ZFYVE28: variants seen among roughly 807,000 people sequenced by gnomAD.
ZFYVE28 encodes zinc finger FYVE-type containing 28, also known as lateral signaling target protein 2 homolog.
ZFYVE28 carries 40 observed loss-of-function variants against 82.1 expected under a neutral mutation model. The observed-to-expected ratio is 0.49, with a 90% CI of 0.38 to 0.63. The LOEUF (loss-of-function observed/expected upper bound fraction) is 0.63, where lower values mean the gene tolerates loss of function less well. Ranked by LOEUF, ZFYVE28 falls within the 30% of genes least tolerant of loss-of-function variation. The pLI, the probability that ZFYVE28 is intolerant of heterozygous loss-of-function variation, is 0.00. For synonymous variants in ZFYVE28, 612 were observed against 546.1 expected (o/e 1.12, Z -1.68); for missense variants, 1,321 against 1,242.1 (o/e 1.06, Z -0.96).
chr4:2,403,034 C>A (rs1325839025), intron 1 of ZFYVE28, among the ~76,000 whole-genome samples: 1 of 152,252 alleles, frequency 6.6e-6, no homozygotes, highest in Non-Finnish European at 1.5e-5. Context: ...TGAGGAAAGT[C>A]AAAGTGCAAT....
Position 2,339,736 on chromosome 4 carries a change from C to A in ZFYVE28, c.319-81G>T. The A allele has an allele frequency of 6.4e-6, 9 of 1,396,338 alleles. No individual in the cohort carries two copies. The highest frequency in any genetic ancestry group is 8.6e-6 in the Non-Finnish European group (9 of 1,042,670). 86.5% of individuals were successfully genotyped at this position (1,396,338 alleles called of 1,614,324 possible). A position where few individuals can be genotyped will look rare whatever the true frequency, so the allele number is the denominator to read the frequency against. ...GTCGCCGACCCGGGGAACCTGACTG[C>A]GCACCTCGGGGCCCCTCTTCTCACC... On this transcript the variant is annotated intron_variant, in intron 3 of 12. Coordinates refer to ENST00000290974, the MANE Select transcript of ZFYVE28 (RefSeq NM_020972.3). This position sits in a 1 kb window ranked among gnomAD's most constrained non-coding sequence, Gnocchi z 5.0.
intron 1 of ZFYVE28, 113 bp from the exon 2 acceptor site, chr4:2,354,186 GAGC>G: frequency 8.4e-7 from 1 of 1,188,348 alleles, no homozygotes; most frequent in Non-Finnish European, 1.1e-6. Flanking sequence ...CTTCCACCCT[GAGC>G]AGCAGCCGGC....
At chr4:2,276,711 A>G (rs1169888388) in intron 8 of ZFYVE28, among the ~76,000 whole-genome samples, 2 of 152,070 alleles carry the variant, frequency 1.3e-5, no homozygotes, top group African/African-American at 4.8e-5. Context: ...CCAGCTACCA[A>G]AGGATGCGTC....
chr4:2,417,206 C>T lies in ZFYVE28; in HGVS notation c.39+1079G>A, dbSNP rs114540144. 0.029 allele frequency among the ~76,000 whole-genome samples: 4,379 copies of T among 152,218 alleles called. 212 individuals are homozygous for T. Among genetic ancestry groups the T allele is most frequent in the African/African-American group, 0.1 (4,166 of 41,516 alleles). On this transcript the variant is annotated intron_variant, in intron 1 of 12. Transcript: ENST00000290974. The surrounding 1 kb of genome is among the most constrained non-coding windows in gnomAD (Gnocchi z 4.8). ...CCCTTGGTCGCCGCGGTGACCCCAC[C>T]CGAGCCGTGACCTCCCCCAAGATCT...
chr4:2,334,753 T>TCCCCTCTTCCCCCTCCCCTCTTCCCCTCC (rs1721331547), intron 6 of ZFYVE28, among the ~76,000 whole-genome samples: 1 of 4,668 alleles, frequency 2.1e-4, no homozygotes, highest in Non-Finnish European at 4.9e-4. Flanking sequence ...CCCTTCCCCC[T>TCCCCTCTTCCCCCTCCCCTCTTCCCCTCC]CCCCTTCCCC....
chr4:2,296,158 T>C (rs558620033), intron 8 of ZFYVE28, among the ~76,000 whole-genome samples: 46 of 152,148 alleles, frequency 3.0e-4, no homozygotes, highest in African/African-American at 1.1e-3. Context: ...AGGCCAGCTG[T>C]GAATTGGGAG....
At chr4:2,298,480 C>T (rs1446519377) in intron 8 of ZFYVE28, among the ~76,000 whole-genome samples, 6 of 152,194 alleles carry the variant, frequency 3.9e-5, no homozygotes, top group Admixed American at 2.6e-4. Context: ...AGGGATATCC[C>T]TCAGTGTCTG....
intron 1 of ZFYVE28, among the ~76,000 whole-genome samples, chr4:2,357,702 G>A (rs915748661): frequency 3.3e-5 from 5 of 152,142 alleles, no homozygotes; most frequent in African/African-American, 7.2e-5. Context: ...ACTGCAGCTC[G>A]CTGACGAGAC....
intron 2 of ZFYVE28, among the ~76,000 whole-genome samples, chr4:2,348,122 G>A (rs1413455038): frequency 1.3e-5 from 2 of 152,140 alleles, no homozygotes; most frequent in Non-Finnish European, 2.9e-5. Context: ...AGGAACGAGA[G>A]AGGTGACATC....
At chr4:2,327,941 CT>C (rs1266876675) in intron 6 of ZFYVE28, among the ~76,000 whole-genome samples, 6 of 152,116 alleles carry the variant, frequency 3.9e-5, no homozygotes, top group African/African-American at 1.2e-4. Flanking sequence ...AAAGGGAACC[CT>C]TGCACACCAT....
intron 6 of ZFYVE28, among the ~76,000 whole-genome samples, chr4:2,331,667 T>C (rs1720728801): frequency 1.3e-5 from 2 of 152,154 alleles, no homozygotes; most frequent in Non-Finnish European, 2.9e-5. Flanking sequence ...GGGGACAGGC[T>C]GAGGGGTGCA....
intron 8 of ZFYVE28, among the ~76,000 whole-genome samples, chr4:2,299,935 T>G (rs1417939214): frequency 6.6e-6 from 1 of 152,064 alleles, no homozygotes; most frequent in African/African-American, 2.4e-5. Flanking sequence ...TAGCTGGGAC[T>G]ACAGGCCCAC....
At chr4:2,391,730 TTCTC>T (rs200997397) in intron 1 of ZFYVE28, among the ~76,000 whole-genome samples, 11 of 121,934 alleles carry the variant, frequency 9.0e-5, no homozygotes, top group Middle Eastern at 4.9e-3. Context: ...TGTAAGTCAA[TTCTC>T]TCTCTCTTTT....
At chr4:2,373,763 A>G (rs1417956549) in intron 1 of ZFYVE28, among the ~76,000 whole-genome samples, 1 of 152,190 alleles carries the variant, frequency 6.6e-6, no homozygotes, top group Non-Finnish European at 1.5e-5. Context: ...TCATTCTAAA[A>G]GCTAGAGATG....
intron 1 of ZFYVE28, among the ~76,000 whole-genome samples, chr4:2,379,627 C>T (rs901674314): frequency 6.6e-6 from 1 of 152,154 alleles, no homozygotes; most frequent in Non-Finnish European, 1.5e-5. Context: ...TCTGCCAACT[C>T]GAATTCACAT....
chr4:2,414,804 T>C (rs28654167), intron 1 of ZFYVE28, among the ~76,000 whole-genome samples: 3,136 of 152,294 alleles, frequency 0.021, 85 homozygotes, highest in African/African-American at 0.066. Context: ...GGTCAATCAA[T>C]AGAAAGTCAT....
At chr4:2,357,450 G>A (rs1725499037) in intron 1 of ZFYVE28, among the ~76,000 whole-genome samples, 1 of 152,204 alleles carries the variant, frequency 6.6e-6, no homozygotes, top group Non-Finnish European at 1.5e-5. Context: ...TGAGCTCGCA[G>A]CCTGCCCAAG....
chr4:2,380,026 A>T (rs1728571532), intron 1 of ZFYVE28, among the ~76,000 whole-genome samples: 1 of 152,156 alleles, frequency 6.6e-6, no homozygotes, highest in South Asian at 2.1e-4. Flanking sequence ...ATTTTCTGTG[A>T]GGCACTGAGT....
chr4:2,405,980 C>T (rs1231227783), intron 1 of ZFYVE28, among the ~76,000 whole-genome samples: 2 of 145,370 alleles, frequency 1.4e-5, no homozygotes, highest in Admixed American at 7.0e-5. Flanking sequence ...ATTTGGGAGG[C>T]GGAGGTTGCA....
Sources: allele counts gnomAD v4.1 joint callset (sites outside exome capture counted in the v4.1 genomes callset), GRCh38; gene constraint gnomAD v4.1.1; non-coding constraint Gnocchi (gnomAD v3.1); transcripts MANE v1.5; gene names NCBI Gene and HGNC (gene_info 2026-07-23, HGNC 2026-07-21).